The following NELL1 variants were observed in gnomAD, a reference collection of about 807,000 sequenced individuals.
NELL1 encodes protein kinase C-binding protein NELL1.
A neutral mutation model predicts 107.4 loss-of-function variants in NELL1; 76 were observed. The observed-to-expected ratio is 0.71, with a 90% CI of 0.59 to 0.86. NELL1 has a LOEUF of 0.86. NELL1 is among the 40% of genes least tolerant of loss of function. The pLI is 0.00. For missense variants in NELL1, 1,024 were observed against 1,005.5 expected (o/e 1.02, Z -0.25); for synonymous variants, 353 against 341.2 (o/e 1.03, Z -0.38).
At chr11:21,076,165 T>C (rs1442103790) in intron 12 of NELL1, among the ~76,000 whole-genome samples, 1 of 152,206 alleles carries the variant, frequency 6.6e-6, no homozygotes, top group African/African-American at 2.4e-5. Flanking sequence ...TAGAAAAGGA[T>C]TGGAAGCAGG....
At chr11:21,527,942 C>G (rs893260663) in intron 15 of NELL1, among the ~76,000 whole-genome samples, 1 of 152,158 alleles carries the variant, frequency 6.6e-6, no homozygotes, top group African/African-American at 2.4e-5. Context: ...CTGCCTCTCC[C>G]AGTCTATTGA....
Position 20,960,497 on chromosome 11 carries a change from A to G in NELL1, c.1237A>G (p.Lys413Glu). 6.2e-7 allele frequency: 1 copy of G among 1,614,028 alleles called. No individual in the cohort carries two copies. Among genetic ancestry groups the G allele is most frequent in the East Asian group, 2.2e-5 (1 of 44,872 alleles). ...ENSECKNWNTKATCECKSGYI... is the reference protein window; with the variant it reads ...ENSECKNWNTEATCECKSGYI... ...CTCAGAGTGCAAAAACTGGAATACA[A>G]AAGCTACTTGTGAGTGCAAGAGTGG... Residue 413 changes from lysine to glutamate, a missense_variant, in exon 12 of 20, where the codon AAA becomes GAA. Transcript: ENST00000357134.
intron 14 of NELL1, among the ~76,000 whole-genome samples, chr11:21,356,108 A>T (rs75080832): frequency 0.033 from 5,053 of 152,136 alleles, 120 homozygotes; most frequent in Admixed American, 0.082. Flanking sequence ...TTTTTCTCCT[A>T]TCACTTGCTA....
chr11:20,767,229 G>A (rs1202855478), intron 2 of NELL1, among the ~76,000 whole-genome samples: 1 of 152,186 alleles, frequency 6.6e-6, no homozygotes, highest in African/African-American at 2.4e-5. Flanking sequence ...AGAGTGAGCA[G>A]CAGCAAGATT....
intron 12 of NELL1, among the ~76,000 whole-genome samples, chr11:20,974,509 G>C (rs562155217): frequency 6.6e-6 from 1 of 151,868 alleles, no homozygotes; most frequent in Middle Eastern, 3.4e-3. Flanking sequence ...CATTTGGTTA[G>C]TTGTCCATTT....
At chr11:21,331,738 A>G (rs1339544490) in intron 14 of NELL1, among the ~76,000 whole-genome samples, 1 of 152,078 alleles carries the variant, frequency 6.6e-6, no homozygotes, top group East Asian at 1.9e-4. Flanking sequence ...TGTTCTAACC[A>G]CAGGAGGTCT....
chr11:21,519,524 G>GTTTGT (rs1172595077), intron 15 of NELL1, among the ~76,000 whole-genome samples: 2 of 116,116 alleles, frequency 1.7e-5, no homozygotes, highest in African/African-American at 2.8e-5. Flanking sequence ...TTGTTTGTTT[G>GTTTGT]TTTGTTTTGT....
Position 20,718,437 on chromosome 11 carries a change from G to A in NELL1, c.184+40377G>A, listed in dbSNP as rs1260111625. On this transcript the variant is annotated intron_variant, in intron 2 of 19. Transcript: ENST00000357134. ...AACCAACAAGCAGATAGGATGGCCTGTTTAGGGTCAGGGTTTATTTATTCA... is the reference window on the plus strand; with the variant it reads ...AACCAACAAGCAGATAGGATGGCCTATTTAGGGTCAGGGTTTATTTATTCA... Among the ~76,000 whole-genome samples, 6 of 150,398 alleles carry A rather than the reference G, an allele frequency of 4.0e-5. No individual in the cohort carries two copies. The East Asian group carries it at 1.2e-3, about 30-fold the overall frequency.
chr11:21,194,713 A>G (rs962863160), intron 13 of NELL1, among the ~76,000 whole-genome samples: 1 of 152,202 alleles, frequency 6.6e-6, no homozygotes, highest in African/African-American at 2.4e-5. Context: ...CTGCATTTTA[A>G]TAAGCCTTCC....
chr11:20,938,374 G>A (rs1260059992), intron 10 of NELL1, among the ~76,000 whole-genome samples: 1 of 152,094 alleles, frequency 6.6e-6, no homozygotes, highest in East Asian at 1.9e-4. Flanking sequence ...CATTATAGTA[G>A]GTTCTGGATA....
chr11:21,375,964 T>C (rs1851465999), intron 15 of NELL1, among the ~76,000 whole-genome samples: 1 of 152,126 alleles, frequency 6.6e-6, no homozygotes, highest in Non-Finnish European at 1.5e-5. Context: ...GTTGGAAGCA[T>C]AGTTTGTGAA....
intron 13 of NELL1, among the ~76,000 whole-genome samples, chr11:21,213,845 T>A (rs1367410402): frequency 6.6e-6 from 1 of 152,156 alleles, no homozygotes; most frequent in Non-Finnish European, 1.5e-5. Flanking sequence ...CTCAAATGTA[T>A]CATGGGTTTA....
At chr11:20,871,876 G>A (rs963644179) in intron 4 of NELL1, among the ~76,000 whole-genome samples, 2 of 151,660 alleles carry the variant, frequency 1.3e-5, no homozygotes, top group East Asian at 4.0e-4. Flanking sequence ...AAAGTTATCC[G>A]GGCGTGGTGG....
At chr11:21,549,848 G>A (rs1856532551) in intron 16 of NELL1, among the ~76,000 whole-genome samples, 2 of 151,640 alleles carry the variant, frequency 1.3e-5, no homozygotes, top group Non-Finnish European at 2.9e-5. Flanking sequence ...AGGGAAGAGG[G>A]CCCAATGTAA....
chr11:21,309,037 C>G (rs951493168), intron 14 of NELL1, among the ~76,000 whole-genome samples: 19 of 151,372 alleles, frequency 1.3e-4, no homozygotes, highest in Admixed American at 2.0e-4. Flanking sequence ...AGCCAGACAT[C>G]ATTTTAGACA....
chr11:21,371,455 A>C (rs748389289), intron 15 of NELL1, among the ~76,000 whole-genome samples: 1 of 152,114 alleles, frequency 6.6e-6, no homozygotes, highest in Non-Finnish European at 1.5e-5. Flanking sequence ...CTGATAATAT[A>C]AGCCAATTAG....
At chr11:21,010,791 C>T (rs1375745907) in intron 12 of NELL1, among the ~76,000 whole-genome samples, 1 of 152,014 alleles carries the variant, frequency 6.6e-6, no homozygotes, top group Non-Finnish European at 1.5e-5. Flanking sequence ...ACTCCCTTTC[C>T]CTGCCCCAGA....
intron 15 of NELL1, among the ~76,000 whole-genome samples, chr11:21,507,498 T>C (rs1396844190): frequency 1.3e-5 from 2 of 152,150 alleles, no homozygotes; most frequent in African/African-American, 4.8e-5. Flanking sequence ...TCCAAGCCTT[T>C]AGAAAATGGA....
intron 5 of NELL1, among the ~76,000 whole-genome samples, chr11:20,890,945 T>C (rs1227007456): frequency 1.3e-5 from 2 of 152,078 alleles, no homozygotes; most frequent in Non-Finnish European, 2.9e-5. Context: ...TTCAGGATAT[T>C]ATCCAGGAGA....
Sources: allele counts gnomAD v4.1 joint callset (sites outside exome capture counted in the v4.1 genomes callset), GRCh38; gene constraint gnomAD v4.1.1; transcripts MANE v1.5; gene names NCBI Gene and HGNC (gene_info 2026-07-23, HGNC 2026-07-21).